The following ANKS1B variants were observed in gnomAD, a reference collection of about 807,000 sequenced individuals.
ANKS1B encodes ankyrin repeat and sterile alpha motif domain-containing protein 1B.
In ANKS1B, 36 loss-of-function variants were observed where a neutral mutation model predicts 148.3. That is an observed-to-expected ratio of 0.24 (90% CI 0.19 to 0.32). The LOEUF (loss-of-function observed/expected upper bound fraction) is 0.32. Among genes scored for constraint, ANKS1B ranks in the 10% least tolerant of loss-of-function variants. The pLI is 1.00. For missense variants in ANKS1B, 1,157 were observed against 1,542.6 expected, an observed-to-expected ratio of 0.75 and a Z score of 4.19; for synonymous variants, 542 against 560.8, an observed-to-expected ratio of 0.97 and a Z score of 0.47.
chr12:99,768,001 A>G (rs1567810103), intron 8 of ANKS1B, among the ~76,000 whole-genome samples: 1 of 152,166 alleles, frequency 6.6e-6, no homozygotes, highest in African/African-American at 2.4e-5. Flanking sequence ...ACTGAATCAG[A>G]GTGCCCTCTA....
intron 16 of ANKS1B, among the ~76,000 whole-genome samples, chr12:99,080,751 C>A (rs2049411007): frequency 6.6e-6 from 1 of 152,208 alleles, no homozygotes; most frequent in African/African-American, 2.4e-5. Context: ...CTGGAAAAAA[C>A]TAAGTTTTAT....
downstream of ANKS1B, among the ~76,000 whole-genome samples, chr12:98,741,887 G>C (rs141449797): frequency 3.1e-3 from 473 of 152,316 alleles, 4 homozygotes; most frequent in African/African-American, 0.011. Flanking sequence ...TGAGAGGGAG[G>C]GCTGCAGGCA....
At chr12:99,826,211 T>C (rs991847526) in intron 1 of ANKS1B, among the ~76,000 whole-genome samples, 4 of 152,326 alleles carry the variant, frequency 2.6e-5, no homozygotes, top group South Asian at 2.1e-4. Context: ...ATGTCACATA[T>C]TGAGCTAGGC....
intron 9 of ANKS1B, among the ~76,000 whole-genome samples, chr12:99,637,540 T>C (rs1302083354): frequency 6.6e-6 from 1 of 152,086 alleles, no homozygotes; most frequent in East Asian, 1.9e-4. Flanking sequence ...ACCCTTAATC[T>C]GGGCAGGCGC....
chr12:98,895,028 G>T, intron 17 of ANKS1B: 2 of 866,766 alleles, frequency 2.3e-6, no homozygotes, highest in Non-Finnish European at 2.8e-6. Flanking sequence ...CCCGAACGCC[G>T]TCTCCAGGGC....
chr12:99,053,910 T>TG (rs2099967861), intron 16 of ANKS1B, among the ~76,000 whole-genome samples: 1 of 152,226 alleles, frequency 6.6e-6, no homozygotes, highest in Non-Finnish European at 1.5e-5. Context: ...ATAGAGAACT[T>TG]GCTGGCAGAC....
intron 19 of ANKS1B, among the ~76,000 whole-genome samples, chr12:98,813,205 GT>G (rs1204864253): frequency 6.6e-6 from 1 of 151,028 alleles, no homozygotes; most frequent in East Asian, 1.9e-4. Flanking sequence ...AGTGAGTTAA[GT>G]TTTTTTGTTT....
intron 8 of ANKS1B, among the ~76,000 whole-genome samples, chr12:99,693,158 A>T (rs780117526): frequency 1.3e-5 from 2 of 152,242 alleles, no homozygotes; most frequent in Non-Finnish European, 2.9e-5. Flanking sequence ...AGTCATTTAA[A>T]CAAACAGAAG....
intron 9 of ANKS1B, among the ~76,000 whole-genome samples, chr12:99,626,244 C>T (rs1429082371): frequency 1.3e-5 from 2 of 152,096 alleles, no homozygotes; most frequent in Non-Finnish European, 2.9e-5. Flanking sequence ...TTAATTATCA[C>T]AAAACAACCA....
intron 9 of ANKS1B, among the ~76,000 whole-genome samples, chr12:99,575,335 A>G (rs2097505817): frequency 6.6e-6 from 1 of 152,142 alleles, no homozygotes; most frequent in Admixed American, 6.6e-5. Context: ...CCAGACAAGC[A>G]AATGATAAGG....
At chr12:99,471,771 T>C (rs1195242067) in intron 10 of ANKS1B, among the ~76,000 whole-genome samples, 1 of 152,124 alleles carries the variant, frequency 6.6e-6, no homozygotes. Context: ...CTTCCAAATA[T>C]ACTTAAAACT....
At chr12:99,603,502 G>A (rs2097823958) in intron 9 of ANKS1B, among the ~76,000 whole-genome samples, 1 of 152,046 alleles carries the variant, frequency 6.6e-6, no homozygotes, top group African/African-American at 2.4e-5. Flanking sequence ...GTTCCTCGAT[G>A]TTGTCTGAAA....
chr12:99,850,318 T>TCTCTCTCTCTCTCTCTCTCG (rs2087564587), intron 1 of ANKS1B, among the ~76,000 whole-genome samples: 2 of 150,742 alleles, frequency 1.3e-5, no homozygotes, highest in African/African-American at 4.9e-5. Context: ...TCTCTCTCTC[T>TCTCTCTCTCTCTCTCTCTCG]CACCTACTCT....
intron 17 of ANKS1B, among the ~76,000 whole-genome samples, chr12:98,833,696 G>T (rs1165423313): frequency 6.6e-6 from 1 of 152,096 alleles, no homozygotes; most frequent in Non-Finnish European, 1.5e-5. Context: ...CCGTCACCAG[G>T]TAGTATGCAT....
At chr12:98,868,038 C>A (rs942880433) in intron 17 of ANKS1B, among the ~76,000 whole-genome samples, 1 of 152,120 alleles carries the variant, frequency 6.6e-6, no homozygotes, top group African/African-American at 2.4e-5. Flanking sequence ...GCGATCTAAA[C>A]ACCACAGTCC....
rs558958152 is a variant in ANKS1B, at chr12:99,545,087, T to G, written c.1273-40446A>C. ...TAGAGCTATTGATATAATTCTAAGA[T>G]ATGATTAATTGCACAGGACATTTTA... is the stretch of plus-strand genomic sequence containing the variant. On this transcript the variant is annotated intron_variant, in intron 9 of 26. Coordinates refer to ENST00000683438, the MANE Select transcript of ANKS1B (RefSeq NM_001352186.2). Among the ~76,000 whole-genome samples the G allele has an allele frequency of 4.6e-5, 7 of 152,256 alleles. 1 individual carries two copies. In the South Asian group the frequency reaches 8.3e-4, roughly 18 times the overall value.
intron 8 of ANKS1B, among the ~76,000 whole-genome samples, chr12:99,711,499 T>C (rs1197595350): frequency 6.6e-6 from 1 of 151,676 alleles, no homozygotes; most frequent in Admixed American, 6.6e-5. Flanking sequence ...TTAAACAAAA[T>C]GACAAAAAAG....
intron 9 of ANKS1B, among the ~76,000 whole-genome samples, chr12:99,560,871 G>C: frequency 7.4e-6 from 1 of 135,008 alleles, no homozygotes; most frequent in African/African-American, 2.8e-5. Context: ...TTTTGAGACG[G>C]AGTCTCACAC....
At chr12:99,917,516 C>T (rs953844061) in intron 1 of ANKS1B, among the ~76,000 whole-genome samples, 6 of 152,330 alleles carry the variant, frequency 3.9e-5, no homozygotes, top group Non-Finnish European at 7.3e-5. Flanking sequence ...CAATACAGAA[C>T]CATCCCTCAA....
Sources: allele counts gnomAD v4.1 joint callset (sites outside exome capture counted in the v4.1 genomes callset), GRCh38; gene constraint gnomAD v4.1.1; transcripts MANE v1.5; gene names NCBI Gene and HGNC (gene_info 2026-07-23, HGNC 2026-07-21).